PLCB1: variants seen among roughly 807,000 people sequenced by gnomAD.
PLCB1 encodes 1-phosphatidylinositol 4,5-bisphosphate phosphodiesterase beta-1.
Under a neutral mutation model 161.8 loss-of-function variants are expected in PLCB1, and 46 were observed. That is an observed-to-expected ratio of 0.28 (90% CI 0.22 to 0.36). The LOEUF (loss-of-function observed/expected upper bound fraction) is 0.36. Among genes scored for constraint, PLCB1 ranks in the 10% least tolerant of loss-of-function variants. The pLI is 1.00. For synonymous variants in PLCB1, 517 were observed against 503.7 expected (o/e 1.03, Z -0.35); for missense variants, 1,016 against 1,472.5 (o/e 0.69, Z 5.07).
chr20:8,365,207 C>T (rs1986668386), intron 2 of PLCB1, among the ~76,000 whole-genome samples: 1 of 152,178 alleles, frequency 6.6e-6, no homozygotes, highest in Non-Finnish European at 1.5e-5. Context: ...CATGCATGAG[C>T]ATCTGTAGCA....
intron 31 of PLCB1, among the ~76,000 whole-genome samples, chr20:8,850,166 A>G (rs868567390): frequency 6.6e-6 from 1 of 152,216 alleles, no homozygotes; most frequent in African/African-American, 2.4e-5. Context: ...TCTTGAGCAA[A>G]GGAGATGCCA....
In PLCB1 at chr20:8,132,669, C is replaced by T. The variant is rs745497485; in HGVS notation, c.18C>T (p.Pro6=). 9.9e-6 allele frequency: 16 copies of T among 1,611,850 alleles called. No individual in the cohort carries two copies. The highest frequency in any genetic ancestry group is 1.3e-5 in the African/African-American group (1 of 74,782). MAGAQ[P]GVHALQLKPV... ...GAGCCCAGATGGCCGGGGCTCAACC[C>T]GGAGTGCACGCCTTGCAACTCAAGC... The change falls in exon 1 of 32, where the codon CCC becomes CCT. Residue 6 remains proline, a synonymous_variant. Transcript: ENST00000338037. The surrounding 1 kb of genome is among the most constrained non-coding windows in gnomAD (Gnocchi z 5.2).
intron 2 of PLCB1, among the ~76,000 whole-genome samples, chr20:8,174,787 G>A (rs893580256): frequency 6.6e-5 from 10 of 152,178 alleles, no homozygotes; most frequent in East Asian, 1.9e-4. Flanking sequence ...AAGGGCTGAT[G>A]CCTCTAATCC....
Position 8,732,027 on chromosome 20 carries a change from T to C in PLCB1, c.1889-1211T>C, listed in dbSNP as rs1600283130. 2.0e-5 allele frequency: 3 copies of C among 152,064 alleles called. No homozygotes were observed. The East Asian group carries it at 5.8e-4, about 29-fold the overall frequency. The allele number at this position is 152,064 out of a possible 1,614,324, so 9.4% of individuals were successfully genotyped here. A position where few individuals can be genotyped will look rare whatever the true frequency, so the allele number is the denominator to read the frequency against. On this transcript the variant is annotated intron_variant, in intron 18 of 31. Coordinates refer to ENST00000338037, the MANE Select transcript of PLCB1 (RefSeq NM_015192.4). ...CTGGAACTGTTGACAACTTCCCAGA[T>C]TCTTTACAACTTTAATATGTATTCT...
At chr20:8,241,032 A>T (rs1386940184) in intron 2 of PLCB1, among the ~76,000 whole-genome samples, 1 of 151,774 alleles carries the variant, frequency 6.6e-6, no homozygotes, top group Non-Finnish European at 1.5e-5. Flanking sequence ...GTTTTAGGTT[A>T]TTTTTCCAGG....
intron 3 of PLCB1, among the ~76,000 whole-genome samples, chr20:8,390,347 T>C (rs976210806): frequency 3.9e-5 from 6 of 152,190 alleles, no homozygotes; most frequent in Non-Finnish European, 7.3e-5. Context: ...ACAAGTTGTA[T>C]TGCATTAGGG....
chr20:8,445,845 G>A (rs1324320699), intron 3 of PLCB1, among the ~76,000 whole-genome samples: 2 of 152,066 alleles, frequency 1.3e-5, no homozygotes, highest in African/African-American at 4.8e-5. Flanking sequence ...TTGGCTCTCT[G>A]TTTGTCTGTT....
At chr20:8,454,612 C>T (rs972305532) in intron 3 of PLCB1, among the ~76,000 whole-genome samples, 5 of 152,040 alleles carry the variant, frequency 3.3e-5, no homozygotes, top group African/African-American at 1.2e-4. Context: ...GCTGAGCATC[C>T]GAGTGAGTGA....
intron 2 of PLCB1, among the ~76,000 whole-genome samples, chr20:8,225,600 T>A (rs529545135): frequency 6.6e-6 from 1 of 152,366 alleles, no homozygotes; most frequent in South Asian, 2.1e-4. Flanking sequence ...TTTTCACCTT[T>A]GGTATTATAG....
intron 3 of PLCB1, among the ~76,000 whole-genome samples, chr20:8,557,092 C>T (rs931489301): frequency 2.6e-5 from 4 of 151,418 alleles, no homozygotes; most frequent in African/African-American, 9.7e-5. Flanking sequence ...CATGTATGTT[C>T]CTAGTGATGA....
At chr20:8,573,496 A>G (rs956704369) in intron 3 of PLCB1, among the ~76,000 whole-genome samples, 4 of 152,178 alleles carry the variant, frequency 2.6e-5, no homozygotes, top group Admixed American at 2.0e-4. Flanking sequence ...ATTGTAAACT[A>G]TATATTCATG....
chr20:8,420,201 T>C (rs1397060103), intron 3 of PLCB1, among the ~76,000 whole-genome samples: 1 of 152,154 alleles, frequency 6.6e-6, no homozygotes, highest in Non-Finnish European at 1.5e-5. Context: ...CAAAATGATC[T>C]AGATGAGACA....
At chr20:8,250,554 A>T (rs141251316) in intron 2 of PLCB1, among the ~76,000 whole-genome samples, 3 of 151,984 alleles carry the variant, frequency 2.0e-5, no homozygotes, top group Admixed American at 6.6e-5. Context: ...TTTAAAAAAA[A>T]ATCCCTTAAT....
chr20:8,757,742 A>G (rs1164437575), intron 24 of PLCB1, among the ~76,000 whole-genome samples: 3 of 152,140 alleles, frequency 2.0e-5, no homozygotes, highest in African/African-American at 7.2e-5. Flanking sequence ...ATTGAAGGCC[A>G]CAGTGCCAGG....
intron 4 of PLCB1, among the ~76,000 whole-genome samples, chr20:8,640,375 TC>T: frequency 6.6e-6 from 1 of 152,316 alleles, no homozygotes; most frequent in East Asian, 1.9e-4. Context: ...TCTTTTAAAA[TC>T]CTTTTTTATG....
At chr20:8,712,338 G>A (rs989548811) in intron 12 of PLCB1, among the ~76,000 whole-genome samples, 1 of 151,956 alleles carries the variant, frequency 6.6e-6, no homozygotes, top group African/African-American at 2.4e-5. Flanking sequence ...AATGAGAAAA[G>A]CCACTGAAAC....
intron 2 of PLCB1, among the ~76,000 whole-genome samples, chr20:8,326,069 T>C (rs1346453906): frequency 1.3e-5 from 2 of 152,218 alleles, no homozygotes; most frequent in Non-Finnish European, 2.9e-5. Context: ...TAAAAGAGAT[T>C]TACCCTTCGA....
chr20:8,520,859 A>G (rs1239740459), intron 3 of PLCB1, among the ~76,000 whole-genome samples: 1 of 152,198 alleles, frequency 6.6e-6, no homozygotes, highest in Admixed American at 6.5e-5. Context: ...TGTCAGATGG[A>G]CATACAACTC....
Position 8,334,693 on chromosome 20 carries a change from A to G in PLCB1, c.178-36689A>G, listed in dbSNP as rs182451216. On this transcript the variant is annotated intron_variant, in intron 2 of 31. Transcript: ENST00000338037. ...TCACTTCTTGACAAAGAATTGGTGA[A>G]CCTTTTGACAGCCGTGACTTAGAGA... Among the ~76,000 whole-genome samples the G allele has an allele frequency of 2.2e-4, 33 of 152,344 alleles. No individual in the cohort carries two copies. The East Asian group carries it at 6.2e-3, about 28-fold the overall frequency.
Sources: allele counts gnomAD v4.1 joint callset (sites outside exome capture counted in the v4.1 genomes callset), GRCh38; gene constraint gnomAD v4.1.1; non-coding constraint Gnocchi (gnomAD v3.1); transcripts MANE v1.5; gene names NCBI Gene and HGNC (gene_info 2026-07-23, HGNC 2026-07-21).